The following DSCAM variants were observed in gnomAD, a reference collection of about 807,000 sequenced individuals.
DSCAM encodes cell adhesion molecule DSCAM.
DSCAM carries 47 observed loss-of-function variants against 217.7 expected under a neutral mutation model. The observed-to-expected ratio is 0.22, with a 90% confidence interval of 0.17 to 0.28. The LOEUF is 0.28. DSCAM is among the 10% of genes least tolerant of loss of function. The pLI is 1.00. For missense variants in DSCAM, 2,080 were observed against 2,618.3 expected (o/e 0.79, Z 4.49); for synonymous variants, 1,056 against 1,015.3 (o/e 1.04, Z -0.76).
chr21:40,462,161 T>C (rs2075811133), intron 3 of DSCAM, among the ~76,000 whole-genome samples: 1 of 152,084 alleles, frequency 6.6e-6, no homozygotes, highest in African/African-American at 2.4e-5. Context: ...TCCTGCAAGT[T>C]CAGATAAGAA....
At chr21:40,138,584 G>T (rs2090243181) in intron 18 of DSCAM, among the ~76,000 whole-genome samples, 1 of 146,522 alleles carries the variant, frequency 6.8e-6, no homozygotes, top group South Asian at 2.2e-4. Context: ...TGTGTGTGGT[G>T]TGGTATGTGG....
intron 32 of DSCAM, among the ~76,000 whole-genome samples, chr21:40,037,067 A>G (rs921273953): frequency 6.7e-6 from 1 of 150,304 alleles, no homozygotes; most frequent in Non-Finnish European, 1.5e-5. Flanking sequence ...ATCATACTGA[A>G]TGGGCAAAAA....
chr21:40,333,173 C>T (rs2074394656), intron 8 of DSCAM, among the ~76,000 whole-genome samples: 1 of 152,156 alleles, frequency 6.6e-6, no homozygotes, highest in Non-Finnish European at 1.5e-5. Flanking sequence ...TCTTTCAATC[C>T]TAATCCACAG....
chr21:40,031,643 C>T (rs556358270), intron 32 of DSCAM, among the ~76,000 whole-genome samples: 73 of 152,242 alleles, frequency 4.8e-4, no homozygotes, highest in African/African-American at 1.6e-3. Flanking sequence ...CACACAAACA[C>T]GCACACACAT....
At chr21:40,356,782 G>A (rs985325288) in intron 4 of DSCAM, among the ~76,000 whole-genome samples, 1 of 152,132 alleles carries the variant, frequency 6.6e-6, no homozygotes, top group Non-Finnish European at 1.5e-5. Context: ...GTAAATTTCT[G>A]TTTTAATAAA....
chr21:40,545,753 G>A (rs75337546), intron 3 of DSCAM, among the ~76,000 whole-genome samples: 3,177 of 152,318 alleles, frequency 0.021, 34 homozygotes, highest in South Asian at 0.036. Context: ...CCGAGCACCA[G>A]CCTCCAACAC....
At chr21:40,485,478 G>A (rs936605529) in intron 3 of DSCAM, among the ~76,000 whole-genome samples, 68 of 151,862 alleles carry the variant, frequency 4.5e-4, no homozygotes, top group African/African-American at 1.3e-3. Flanking sequence ...TCCTGACCTC[G>A]TGATCCGCCC....
intron 3 of DSCAM, among the ~76,000 whole-genome samples, chr21:40,597,758 C>T (rs755529865): frequency 6.6e-6 from 1 of 152,066 alleles, no homozygotes; most frequent in Admixed American, 6.5e-5. Context: ...GTGATCCATC[C>T]GCCTCAGTCT....
chr21:40,538,347 C>T (rs1436290415), intron 3 of DSCAM, among the ~76,000 whole-genome samples: 2 of 152,192 alleles, frequency 1.3e-5, no homozygotes, highest in Non-Finnish European at 2.9e-5. Context: ...GCAGGCCCAT[C>T]ACGCTGTCCT....
chr21:40,326,196 G>A (rs534486144), intron 8 of DSCAM, among the ~76,000 whole-genome samples: 2 of 152,316 alleles, frequency 1.3e-5, no homozygotes, highest in South Asian at 4.1e-4. Context: ...TGCATGGACA[G>A]ATGATAATGG....
At chr21:40,434,438 C>A (rs2075565009) in intron 3 of DSCAM, among the ~76,000 whole-genome samples, 4 of 152,200 alleles carry the variant, frequency 2.6e-5, no homozygotes, top group Admixed American at 2.6e-4. Context: ...GGCTTAGAAT[C>A]AAATGGCTGA....
intron 8 of DSCAM, among the ~76,000 whole-genome samples, chr21:40,317,634 A>AT (rs2074213183): frequency 6.6e-6 from 1 of 151,758 alleles, no homozygotes; most frequent in Non-Finnish European, 1.5e-5. Context: ...GGCTCAAGTG[A>AT]TTCTCCTGCC....
chr21:40,517,365 C>T (rs934576411), intron 3 of DSCAM, among the ~76,000 whole-genome samples: 3 of 149,274 alleles, frequency 2.0e-5, no homozygotes, highest in Admixed American at 6.8e-5. Flanking sequence ...TACACACACA[C>T]ATATACCCAC....
chr21:40,571,612 T>C (rs1439957195), intron 3 of DSCAM, among the ~76,000 whole-genome samples: 3 of 152,306 alleles, frequency 2.0e-5, no homozygotes, highest in East Asian at 1.9e-4. Flanking sequence ...ACATAGGTAG[T>C]ATAACATATA....
intron 3 of DSCAM, among the ~76,000 whole-genome samples, chr21:40,503,576 C>T (rs2076186888): frequency 6.6e-6 from 1 of 152,214 alleles, no homozygotes; most frequent in Non-Finnish European, 1.5e-5. Context: ...CAGATGCCAA[C>T]TTCACGCTGC....
rs559789399 is a variant in DSCAM at position 40,485,522 on chromosome 21, G to A, written c.509-116277C>T. 7.4e-3 allele frequency among the ~76,000 whole-genome samples: 1,126 copies of A among 151,940 alleles called. 15 individuals carry two copies. Among genetic ancestry groups the A allele is most frequent in the African/African-American group, 0.026 (1,079 of 41,490 alleles). On this transcript the variant is annotated intron_variant, in intron 3 of 32. Coordinates refer to ENST00000400454, the MANE Select transcript of DSCAM (RefSeq NM_001389.5). ...CTCCCAAAGTGCTGGGATTACAGGC[G>A]TGAGCCACCGCGCCCGGCCCACACT...
chr21:40,468,964 T>C (rs750314153), intron 3 of DSCAM, among the ~76,000 whole-genome samples: 5 of 152,024 alleles, frequency 3.3e-5, no homozygotes, highest in African/African-American at 4.8e-5. Context: ...CACCCTACAT[T>C]GAGGGGCAGG....
intron 1 of DSCAM, among the ~76,000 whole-genome samples, chr21:40,780,423 G>GTGTGTATATATATATATATATATATATA (rs1007015659): frequency 1.6e-4 from 9 of 56,420 alleles, no homozygotes; most frequent in South Asian, 6.5e-4. Context: ...GTGTGTGTGT[G>GTGTGTATATATATATATATATATATATA]TATATATATA....
chr21:40,291,160 T>A (rs2073887491), intron 10 of DSCAM, among the ~76,000 whole-genome samples: 1 of 152,138 alleles, frequency 6.6e-6, no homozygotes, highest in South Asian at 2.1e-4. Flanking sequence ...TGTCCATCAC[T>A]CAAAGACATT....
Sources: allele counts gnomAD v4.1 joint callset (sites outside exome capture counted in the v4.1 genomes callset), GRCh38; gene constraint gnomAD v4.1.1; transcripts MANE v1.5; gene names NCBI Gene and HGNC (gene_info 2026-07-23, HGNC 2026-07-21).